SUGCT: variants seen among roughly 807,000 people sequenced by gnomAD.
The protein encoded by SUGCT is succinyl-CoA:glutarate CoA-transferase.
Under a neutral mutation model 55.0 loss-of-function variants are expected in SUGCT, and 41 were observed. The ratio of observed to expected loss-of-function variants is 0.74; its 90% CI spans 0.58 to 0.97. The LOEUF (loss-of-function observed/expected upper bound fraction) is 0.97. Among genes scored for constraint, SUGCT ranks in the 50% least tolerant of loss-of-function variants. The pLI is 0.00. For synonymous variants in SUGCT, 187 were observed against 200.4 expected (o/e 0.93, Z 0.56); for missense variants, 568 against 547.8 (o/e 1.04, Z -0.37).
chr7:40,523,846 C>G (rs1328134903), intron 12 of SUGCT, among the ~76,000 whole-genome samples: 1 of 152,080 alleles, frequency 6.6e-6, no homozygotes, highest in Non-Finnish European at 1.5e-5. Context: ...TAGTTTTTAA[C>G]TACTGTGGCT....
intron 12 of SUGCT, among the ~76,000 whole-genome samples, chr7:40,725,814 G>C (rs1037571336): frequency 6.6e-6 from 1 of 151,978 alleles, no homozygotes; most frequent in African/African-American, 2.4e-5. Context: ...ATCGGATTTT[G>C]CCTATTTATC....
At chr7:40,953,939 T>C in the SUGCT span, among the ~76,000 whole-genome samples, 139 of 152,172 alleles carry the variant, frequency 9.1e-4, no homozygotes, top group East Asian at 0.021. Context: ...TTCTCAGATC[T>C]CAAACTCCAT....
At chr7:40,767,566 C>T (rs1049323341) in intron 13 of SUGCT, among the ~76,000 whole-genome samples, 1 of 152,072 alleles carries the variant, frequency 6.6e-6, no homozygotes, top group Non-Finnish European at 1.5e-5. Context: ...AGAGTGGTGG[C>T]AGAGGATGGC....
intron 12 of SUGCT, among the ~76,000 whole-genome samples, chr7:40,556,599 G>A (rs541467142): frequency 1.2e-4 from 18 of 152,306 alleles, no homozygotes; most frequent in African/African-American, 2.2e-4. Context: ...TAATAGGAGC[G>A]TGGACTCTGT....
At chr7:41,016,417 G>A in the SUGCT span, among the ~76,000 whole-genome samples, 10 of 152,082 alleles carry the variant, frequency 6.6e-5, no homozygotes, top group Admixed American at 5.9e-4. Flanking sequence ...GACTTGCCAA[G>A]CCAGAACCCA....
chr7:40,398,479 G>A (rs1785870989), intron 9 of SUGCT, among the ~76,000 whole-genome samples: 1 of 150,020 alleles, frequency 6.7e-6, no homozygotes, highest in African/African-American at 2.5e-5. Context: ...ATCTCGGTTG[G>A]CCAGAGCAGT....
intron 11 of SUGCT, among the ~76,000 whole-genome samples, chr7:40,470,321 C>A (rs1247926637): frequency 6.6e-6 from 1 of 152,072 alleles, no homozygotes; most frequent in African/African-American, 2.4e-5. Context: ...TTAGCTTTGG[C>A]TCTCCAGCAT....
At chr7:40,479,127 C>T (rs965397565) in intron 11 of SUGCT, among the ~76,000 whole-genome samples, 1 of 152,044 alleles carries the variant, frequency 6.6e-6, no homozygotes, top group African/African-American at 2.4e-5. Flanking sequence ...CATTTATCCA[C>T]TGATGGACAC....
chr7:40,151,330 G>A (rs115832802), intron 1 of SUGCT, among the ~76,000 whole-genome samples: 156 of 152,322 alleles, frequency 1.0e-3, no homozygotes, highest in African/African-American at 3.4e-3. Flanking sequence ...GCTTCCAGTC[G>A]TGTGACCTGA....
rs374637780 is a variant in SUGCT at position 40,573,298 on chromosome 7, T to C, written c.1089+76912T>C. Reference sequence around the variant, plus strand: ...AGAGGCCAGCTGTGGATCTTTAGATTGTCGTCATGTTACTCAGAACAGAAC... The same window carrying C: ...AGAGGCCAGCTGTGGATCTTTAGATCGTCGTCATGTTACTCAGAACAGAAC... On this transcript the variant is annotated intron_variant, in intron 12 of 13. Coordinates refer to ENST00000335693, the MANE Select transcript of SUGCT (RefSeq NM_001193313.2). 1.5e-4 allele frequency among the ~76,000 whole-genome samples: 23 copies of C among 152,340 alleles called. No homozygotes were observed. In the East Asian group the frequency reaches 4.2e-3, roughly 28 times the overall value.
chr7:40,602,370 G>A (rs1859660), intron 12 of SUGCT, among the ~76,000 whole-genome samples: 31,931 of 152,068 alleles, frequency 0.21, 5,785 homozygotes, highest in African/African-American at 0.49. Flanking sequence ...CCCTGCTTCT[G>A]GTGAGCAAAC....
chr7:40,623,593 A>G (rs1799376188), intron 12 of SUGCT, among the ~76,000 whole-genome samples: 1 of 152,148 alleles, frequency 6.6e-6, no homozygotes, highest in African/African-American at 2.4e-5. Flanking sequence ...AATTCCAAGA[A>G]TTTTTTTGTA....
chr7:40,555,116 C>T (rs1460678638), intron 12 of SUGCT, among the ~76,000 whole-genome samples: 2 of 152,308 alleles, frequency 1.3e-5, no homozygotes, highest in East Asian at 1.9e-4. Context: ...GGCCTGCCCT[C>T]ATCCTCTTTT....
intron 9 of SUGCT, among the ~76,000 whole-genome samples, chr7:40,415,107 T>TCTGTCTATCTAA (rs1786918881): frequency 9.3e-6 from 1 of 108,012 alleles, no homozygotes; most frequent in African/African-American, 3.5e-5. Flanking sequence ...TATCTATCTA[T>TCTGTCTATCTAA]CTATCTATAT....
chr7:40,718,596 G>C (rs1023357993), intron 12 of SUGCT, among the ~76,000 whole-genome samples: 1 of 152,096 alleles, frequency 6.6e-6, no homozygotes, highest in South Asian at 2.1e-4. Context: ...TAGGCTTTCT[G>C]ACTGTTTAAT....
At chr7:40,812,356 T>G (rs1289735939) in intron 13 of SUGCT, among the ~76,000 whole-genome samples, 1 of 152,152 alleles carries the variant, frequency 6.6e-6, no homozygotes, top group African/African-American at 2.4e-5. Flanking sequence ...GGTCTGGGGC[T>G]TTTTCTGATT....
chr7:40,635,451 A>T (rs780956926), intron 12 of SUGCT, among the ~76,000 whole-genome samples: 2 of 152,196 alleles, frequency 1.3e-5, no homozygotes, highest in African/African-American at 2.4e-5. Flanking sequence ...TGAAGAAAAG[A>T]CAATATACAA....
At chr7:40,771,479 G>A (rs536370016) in intron 13 of SUGCT, among the ~76,000 whole-genome samples, 1 of 152,140 alleles carries the variant, frequency 6.6e-6, no homozygotes, top group Non-Finnish European at 1.5e-5. Context: ...AATGCCATGA[G>A]GTTGTCAGTG....
At chr7:40,596,969 A>G (rs1259394918) in intron 12 of SUGCT, among the ~76,000 whole-genome samples, 1 of 152,218 alleles carries the variant, frequency 6.6e-6, no homozygotes, top group Admixed American at 6.5e-5. Flanking sequence ...TCGCTGTATT[A>G]CCAATGCAAC....
Sources: allele counts gnomAD v4.1 joint callset (sites outside exome capture counted in the v4.1 genomes callset), GRCh38; gene constraint gnomAD v4.1.1; transcripts MANE v1.5; gene names NCBI Gene and HGNC (gene_info 2026-07-23, HGNC 2026-07-21).